Variants in PLEC observed in about 807,000 individuals in gnomAD.
PLEC encodes plectin.
Under a neutral mutation model 392.8 loss-of-function variants are expected in PLEC, and 216 were observed. That is an observed-to-expected ratio of 0.55 (90% CI 0.49 to 0.62). The LOEUF (loss-of-function observed/expected upper bound fraction) is 0.62, where lower values mean the gene tolerates loss of function less well. PLEC is among the 20% of genes least tolerant of loss of function. The pLI, the probability that PLEC is intolerant of heterozygous loss-of-function variation, is 0.00. For missense variants in PLEC, 6,863 were observed against 6,563.4 expected, an observed-to-expected ratio of 1.05 and a Z score of -1.58; for synonymous variants, 3,621 against 2,980.6, an observed-to-expected ratio of 1.21 and a Z score of -7.00.
At chr8:143,953,899 G>A (rs188595907), upstream of PLEC, 29,333 of 1,498,496 alleles carry the variant, frequency 0.02, 372 homozygotes, top group Middle Eastern at 0.031. Flanking sequence ...GCCGGCCAGG[G>A]GCGGGGCTTC....
Position 143,946,502 on chromosome 8 carries a change from G to A in PLEC, c.523+3682C>T, listed in dbSNP as rs957660066. Reference sequence around the variant, plus strand: ...AGGGCCCACTCATGCCCTGGTAGCAGCGGCTCCTCCTCGCAGCCACCCCTT... The same window carrying A: ...AGGGCCCACTCATGCCCTGGTAGCAACGGCTCCTCCTCGCAGCCACCCCTT... On this transcript the variant is annotated intron_variant, in intron 1 of 31. Transcript: ENST00000322810. The A allele has an allele frequency of 5.1e-6, 4 of 789,338 alleles. No individual in the cohort carries two copies. The East Asian group carries it at 2.8e-4, about 55-fold the overall frequency. 48.9% of individuals were successfully genotyped at this position (789,338 alleles called of 1,614,324 possible).
chr8:143,943,690 G>GAA (rs1564193800), upstream of PLEC: 1 of 1,246,486 alleles, frequency 8.0e-7, no homozygotes, highest in East Asian at 2.5e-5. Context: ...TTGGAAACAG[G>GAA]AAGGGGAGGG....
chr8:143,952,009 AC>A (rs1832201029), upstream of PLEC, among the ~76,000 whole-genome samples: 1 of 151,400 alleles, frequency 6.6e-6, no homozygotes, highest in Admixed American at 6.6e-5. Context: ...ACCCCTTCCC[AC>A]CAAGCCCGGC....
upstream of PLEC, among the ~76,000 whole-genome samples, chr8:143,951,945 C>T (rs1832194060): frequency 6.6e-6 from 1 of 152,130 alleles, no homozygotes; most frequent in South Asian, 2.1e-4. Flanking sequence ...CCCACTGTCC[C>T]ACGCTGTGCT....
At chr8:143,946,683 AC>A (rs1234253316) in intron 1 of PLEC, 7 of 228,378 alleles carry the variant, frequency 3.1e-5, no homozygotes, top group Middle Eastern at 1.7e-3. Flanking sequence ...CGCCCAGCAG[AC>A]CCCCCGCCCA....
At position 143,937,022 on chromosome 8, in the gene PLEC, T is replaced by A; in HGVS notation, c.392A>T (p.Lys131Met). The A allele has an allele frequency of 6.2e-7, 1 of 1,613,132 alleles. No individual in the cohort carries two copies. The highest frequency in any genetic ancestry group is 8.5e-7 in the Non-Finnish European group (1 of 1,179,846). ...RNDDIADGNP[K>M]LTLGLIWTII... ...TGTCCAGATGAGGCCAAGGGTCAGC[T>A]TGGGGTTGCCGTCAGCGATGTCATC... The change falls in exon 5 of 32, where the codon AAG becomes ATG. Residue 131 changes from lysine (K) to methionine (M), a missense_variant. Physicochemically the swap from Lys to Met is moderately conservative, Grantham distance 95. Transcript: ENST00000345136.
chr8:143,932,856 G>C lies in PLEC; in HGVS notation c.1674C>G (p.His558Gln). ...CTTCGATGGACTGGTGCAGGCCTCG[G>C]TGGCTGCCCAGCTGCGCCTCCACGC... ...LPSVEAQLGS[H>Q]RGLHQSIEEF... Residue 558 changes from histidine to glutamine, a missense_variant, in exon 14 of 32, where the codon CAC (histidine) becomes CAG (glutamine). By Grantham distance (24) the His-to-Gln change is conservative. Coordinates refer to ENST00000345136, the MANE Select transcript of PLEC (RefSeq NM_201384.3). 6.2e-7 allele frequency: 1 copy of C among 1,612,304 alleles called. No individual in the cohort carries two copies. The highest frequency in any genetic ancestry group is 8.5e-7 in the Non-Finnish European group (1 of 1,179,812).
At chr8:143,959,122 C>A (rs1041378464) in intron 1 of PLEC, among the ~76,000 whole-genome samples, 1 of 152,154 alleles carries the variant, frequency 6.6e-6, no homozygotes, top group Non-Finnish European at 1.5e-5. Flanking sequence ...GAGGGGAGGG[C>A]GTGTGAGGGT....
Position 143,937,346 on chromosome 8 carries a change from A to C in PLEC, c.265-104T>G. 3 of 820,248 alleles carry C rather than the reference A, an allele frequency of 3.7e-6. No individual in the cohort carries two copies. In the South Asian group the frequency reaches 4.3e-5, roughly 12 times the overall value. 50.8% of individuals were successfully genotyped at this position (820,248 alleles called of 1,614,324 possible). ...AGCAACCGAGCCAAGGGTCTTCCCC[A>C]GGGGGCAGCAGCCCCTCATCCCAGG... On this transcript the variant is annotated intron_variant, in intron 3 of 31. Coordinates refer to ENST00000345136, the MANE Select transcript of PLEC (RefSeq NM_201384.3).
chr8:143,971,044 G>A (rs538641410), intron 1 of PLEC, among the ~76,000 whole-genome samples: 2 of 152,316 alleles, frequency 1.3e-5, no homozygotes, highest in East Asian at 1.9e-4. Context: ...GGAAGTTGGC[G>A]ATGTTCCAAG....
At chr8:143,947,493 C>T (rs1805792413) in intron 1 of PLEC, among the ~76,000 whole-genome samples, 2 of 152,302 alleles carry the variant, frequency 1.3e-5, no homozygotes, top group South Asian at 4.1e-4. Context: ...AGCTATAATC[C>T]CAGCACTTTG....
chr8:143,973,897 A>C (rs1554745225), upstream of PLEC, among the ~76,000 whole-genome samples: 1 of 152,038 alleles, frequency 6.6e-6, no homozygotes, highest in Non-Finnish European at 1.5e-5. This position sits in a 1 kb window ranked among gnomAD's most constrained non-coding sequence, Gnocchi z 5.6. Context: ...TTCCCATTGC[A>C]ACATTGGAGA....
chr8:143,922,692 TCTC>T lies in PLEC; in HGVS notation c.7234_7236del (p.Glu2412del), dbSNP rs782750670. 6.2e-6 allele frequency: 10 copies of T among 1,612,748 alleles called. No individual in the cohort carries two copies. In the East Asian group the frequency reaches 1.6e-4, roughly 25 times the overall value. On this transcript the variant is annotated inframe_deletion, in exon 31 of 32. Coordinates refer to ENST00000345136, the MANE Select transcript of PLEC (RefSeq NM_201384.3). ...TCCGTGCGGTGCAGCTTCTCACCGA[TCTC>T]CTCCGCCTGCTTCCGGAAGCGCTGG...
In PLEC at chr8:143,923,859, G is replaced by C. The variant is rs1554694501; in HGVS notation, c.6070C>G (p.Leu2024Val). The change falls in exon 31 of 32, where the codon CTG becomes GTG. Residue 2024 changes from leucine to valine, a missense_variant. By Grantham distance (32) the Leu-to-Val change is conservative. Transcript: ENST00000345136. ...GACTCCTGCTCCGCTCGCTCCCGCA[G>C]GCGCCGCGCCTCCTCCACCTTGGCT... ...LKAKVEEARRLRERAEQESAR... is the reference protein window; with the variant it reads ...LKAKVEEARRVRERAEQESAR... 1 of 1,590,972 alleles carries C rather than the reference G, an allele frequency of 6.3e-7. No individual in the cohort carries two copies. Among genetic ancestry groups the C allele is most frequent in the Non-Finnish European group, 8.5e-7 (1 of 1,176,446 alleles).
At chr8:143,950,915 CCTGCCGGCA>C, upstream of PLEC, 1 of 1,049,612 alleles carries the variant, frequency 9.5e-7, no homozygotes, top group Non-Finnish European at 1.3e-6. Context: ...CCGTGCAATC[CCTGCCGGCA>C]CTGCCGGCTG....
rs35134741 is a variant in PLEC at position 143,918,835 on chromosome 8, G to T, written c.10986C>A (p.Thr3662=). The T allele has an allele frequency of 2.5e-6, 4 of 1,613,142 alleles. No homozygotes were observed. Among genetic ancestry groups the T allele is most frequent in the Non-Finnish European group, 3.4e-6 (4 of 1,180,026 alleles). Residue 3662 remains threonine (T), a synonymous_variant, in exon 32 of 32, where the codon ACC becomes ACA. Transcript: ENST00000345136. ...LFEARIISLE[T]YNLLREGTRS... is the part of the protein sequence containing the mutation. ...TGGTGCCCTCCCGGAGCAGGTTGTA[G>T]GTCTCGAGAGAGATGATCCGAGCCT... is the stretch of plus-strand genomic sequence containing the variant.
intron 5 of PLEC, 49 bp downstream of exon 5, chr8:143,936,930 C>A (rs782302310): frequency 7.7e-6 from 11 of 1,423,212 alleles, no homozygotes; most frequent in African/African-American, 1.4e-5. Context: ...GCCCAGGCTA[C>A]CCTGGAAACT....
At chr8:143,939,643 G>A (rs916649662), upstream of PLEC, 21 of 1,422,084 alleles carry the variant, frequency 1.5e-5, no homozygotes, top group Middle Eastern at 2.6e-4. Flanking sequence ...CGGCGAGGCC[G>A]GCCCGCCCCC....
At position 143,927,602 on chromosome 8, in the gene PLEC, C is replaced by A. The variant is rs1554708014; in HGVS notation, c.3564G>T (p.Trp1188Cys). Residue 1188 changes from tryptophan (W) to cysteine (C), a missense_variant, in exon 27 of 32, where the codon TGG (tryptophan) becomes TGT (cysteine). Transcript: ENST00000345136. ...CGTCGGTCTGGGCCAGCACAGCCTGCCAGCGCTCAAGCAACTGGGCGACCC... is the reference window on the plus strand; with the variant it reads ...CGTCGGTCTGGGCCAGCACAGCCTGACAGCGCTCAAGCAACTGGGCGACCC... ...RERVAQLLER[W>C]QAVLAQTDVR... is the part of the protein sequence containing the mutation. The A allele has an allele frequency of 6.3e-7, 1 of 1,587,604 alleles. No homozygotes were observed. Among genetic ancestry groups the A allele is most frequent in the Admixed American group, 1.7e-5 (1 of 58,698 alleles).
Sources: allele counts gnomAD v4.1 joint callset (sites outside exome capture counted in the v4.1 genomes callset), GRCh38; gene constraint gnomAD v4.1.1; non-coding constraint Gnocchi (gnomAD v3.1); transcripts MANE v1.5; gene names NCBI Gene and HGNC (gene_info 2026-07-23, HGNC 2026-07-21).